Variants in CDK12 observed in about 807,000 individuals in gnomAD.
CDK12 encodes the protein cyclin-dependent kinase 12.
CDK12 carries 17 observed loss-of-function variants against 133.8 expected under a neutral mutation model. The ratio of observed to expected loss-of-function variants is 0.13; its 90% confidence interval spans 0.09 to 0.19. The LOEUF is 0.19. Among genes scored for constraint, CDK12 ranks in the 10% least tolerant of loss-of-function variants. The probability of loss-of-function intolerance (pLI) is 1.00; values close to 1 mark genes in which losing one functional copy is unlikely to be tolerated. For synonymous variants in CDK12, 694 were observed against 683.6 expected, an observed-to-expected ratio of 1.02 and a Z score of -0.24; for missense variants, 1,508 against 1,818.7, an observed-to-expected ratio of 0.83 and a Z score of 3.11.
At position 39,534,225 on chromosome 17, in the gene CDK12, G is replaced by T. The variant is rs1239896295; in HGVS notation, c.*2909G>T. On this transcript the variant is annotated 3_prime_UTR_variant, in exon 14 of 14. Coordinates refer to ENST00000447079, the MANE Select transcript of CDK12 (RefSeq NM_016507.4). ...GGCAGTTAGCACAAATTTGCAAGTA[G>T]AACTTCTATTAGCTTATGCCATAGA... The T allele has an allele frequency of 4.3e-6, 1 of 232,820 alleles. No homozygotes were observed. The highest frequency in any genetic ancestry group is 2.2e-5 in the African/African-American group (1 of 45,318). The allele number at this position is 232,820 out of a possible 1,614,324, so 14.4% of individuals were successfully genotyped here.
chr17:39,492,296 C>T (rs1316069087), intron 3 of CDK12, among the ~76,000 whole-genome samples: 3 of 150,742 alleles, frequency 2.0e-5, no homozygotes, highest in Non-Finnish European at 4.4e-5. Context: ...CGGGGTTTCA[C>T]CGTGTTAGCC....
chr17:39,531,674 T>C lies in CDK12; in HGVS notation c.*358T>C, dbSNP rs941572524. 1 of 256,166 alleles carries C rather than the reference T, an allele frequency of 3.9e-6. No individual in the cohort carries two copies. The highest frequency in any genetic ancestry group is 2.2e-5 in the African/African-American group (1 of 46,152). 15.9% of individuals were successfully genotyped at this position (256,166 alleles called of 1,614,324 possible). On this transcript the variant is annotated 3_prime_UTR_variant, in exon 14 of 14. Coordinates refer to ENST00000447079, the MANE Select transcript of CDK12 (RefSeq NM_016507.4). ...AGAACAGTTTCAGTATTGAGATGGCTCAGGAGAGGCTCTTTGATTTTTAAA... is the reference window on the plus strand; with the variant it reads ...AGAACAGTTTCAGTATTGAGATGGCCCAGGAGAGGCTCTTTGATTTTTAAA...
upstream of CDK12, among the ~76,000 whole-genome samples, chr17:39,547,327 G>T: frequency 6.6e-6 from 1 of 151,934 alleles, no homozygotes; most frequent in South Asian, 2.1e-4. Flanking sequence ...TTAGAGATGG[G>T]GTTTCTCCAT....
At chr17:39,522,478 A>G (rs994896346) in intron 11 of CDK12, among the ~76,000 whole-genome samples, 2 of 151,966 alleles carry the variant, frequency 1.3e-5, no homozygotes, top group African/African-American at 4.8e-5. Flanking sequence ...TCTGTCACCC[A>G]GGCTGGAGTG....
chr17:39,548,205 C>T (rs980927473), upstream of CDK12, among the ~76,000 whole-genome samples: 1 of 152,010 alleles, frequency 6.6e-6, no homozygotes, highest in Non-Finnish European at 1.5e-5. Context: ...TCTCTGGGCC[C>T]CAGAGAGCAT....
intron 2 of CDK12, among the ~76,000 whole-genome samples, chr17:39,476,569 A>G (rs1312286174): frequency 6.6e-6 from 1 of 151,594 alleles, no homozygotes; most frequent in Non-Finnish European, 1.5e-5. Context: ...ACCTGCCACC[A>G]TGTTCAACTA....
chr17:39,553,199 T>G (rs558328512), intron 2 of CDK12, among the ~76,000 whole-genome samples: 1 of 152,146 alleles, frequency 6.6e-6, no homozygotes, highest in Non-Finnish European at 1.5e-5. Flanking sequence ...AGGATCTCTT[T>G]CCTCCTTCTC....
intron 1 of CDK12, among the ~76,000 whole-genome samples, chr17:39,541,640 C>G (rs2143788771): frequency 6.6e-6 from 1 of 152,322 alleles, no homozygotes. Context: ...CAGGCGTGAG[C>G]CACCGCATCC....
At chr17:39,472,406 A>G (rs12941418) in intron 2 of CDK12, among the ~76,000 whole-genome samples, 119,956 of 152,024 alleles carry the variant, frequency 0.79, 47,851 homozygotes, top group South Asian at 0.92. Flanking sequence ...GTATGCAGTG[A>G]CTCATGCCTG....
chr17:39,510,001 T>C (rs1598111469), intron 7 of CDK12, among the ~76,000 whole-genome samples: 1 of 151,888 alleles, frequency 6.6e-6, no homozygotes, highest in African/African-American at 2.4e-5. Context: ...GGGGTTTTGC[T>C]ATGTTGCCTA....
chr17:39,544,281 A>G, upstream of CDK12: 1 of 487,592 alleles, frequency 2.1e-6, no homozygotes. Flanking sequence ...CCTCTGAGGA[A>G]TGCAGTGATG....
At chr17:39,510,703 T>C (rs1160290326) in intron 7 of CDK12, among the ~76,000 whole-genome samples, 1 of 151,156 alleles carries the variant, frequency 6.6e-6, no homozygotes, top group Non-Finnish European at 1.5e-5. Context: ...AACCTCTGCC[T>C]CCCGGGTTCA....
At chr17:39,501,625 C>T (rs1446588727) in intron 6 of CDK12, among the ~76,000 whole-genome samples, 186 bp downstream of exon 6, 1 of 152,174 alleles carries the variant, frequency 6.6e-6, no homozygotes, top group African/African-American at 2.4e-5. Context: ...AGCCTTTTCT[C>T]AGTTACCAGC....
At chr17:39,474,755 C>A (rs1394397534) in intron 2 of CDK12, among the ~76,000 whole-genome samples, 2 of 144,318 alleles carry the variant, frequency 1.4e-5, no homozygotes, top group Admixed American at 1.4e-4. Flanking sequence ...ATGGCTCCAT[C>A]ACTATAGAAA....
chr17:39,566,146 T>C (rs2056566652), downstream of CDK12, among the ~76,000 whole-genome samples: 3 of 152,196 alleles, frequency 2.0e-5, no homozygotes, highest in African/African-American at 7.2e-5. Context: ...TAAAGTAATA[T>C]GTGAAAGAAA....
rs1300396378 is a variant in CDK12, at chr17:39,512,991, T to G, written c.2768+1361T>G. On this transcript the variant is annotated intron_variant, in intron 8 of 13. Transcript: ENST00000447079. ...TTTGGCCAGTGGGAGCTTATTCAGG[T>G]TATATTTTGAGTCCTTTTGGCACAC... Among the ~76,000 whole-genome samples, 4 of 152,338 alleles carry G rather than the reference T, an allele frequency of 2.6e-5. No homozygotes were observed. In the East Asian group the frequency reaches 7.7e-4, roughly 29 times the overall value.
chr17:39,542,153 A>G (rs964844980), intron 1 of CDK12, among the ~76,000 whole-genome samples: 1 of 28,134 alleles, frequency 3.6e-5, no homozygotes, highest in African/African-American at 5.0e-5. Flanking sequence ...ATATATACAT[A>G]TATATATGTG....
At chr17:39,478,815 G>A (rs558476658) in intron 2 of CDK12, among the ~76,000 whole-genome samples, 159 of 152,132 alleles carry the variant, frequency 1.0e-3, no homozygotes, top group African/African-American at 3.8e-3. Context: ...ACAGTGAGAT[G>A]TTGTATCAAA....
chr17:39,483,917 C>T (rs1441304050), intron 2 of CDK12, among the ~76,000 whole-genome samples: 1 of 151,684 alleles, frequency 6.6e-6, no homozygotes, highest in Non-Finnish European at 1.5e-5. Context: ...GATCTTGGCT[C>T]ACTGCAACTG....
Sources: gnomAD v4.1 joint callset for allele counts (sites outside exome capture counted in the v4.1 genomes callset) on GRCh38, gnomAD v4.1.1 for gene constraint, MANE v1.5 for transcripts, NCBI Gene and HGNC (gene_info 2026-07-23, HGNC 2026-07-21) for gene names.